The following REV3L variants were observed in gnomAD, a reference collection of about 807,000 sequenced individuals.
REV3L encodes DNA polymerase zeta catalytic subunit.
REV3L carries 69 observed loss-of-function variants against 299.4 expected under a neutral mutation model. That is an observed-to-expected ratio of 0.23 (90% CI 0.19 to 0.28). The LOEUF is 0.28. Among genes scored for constraint, REV3L ranks in the 10% least tolerant of loss-of-function variants. The probability of loss-of-function intolerance (pLI) is 1.00; values close to 1 mark genes in which losing one functional copy is unlikely to be tolerated. For missense variants in REV3L, 3,128 were observed against 3,693.8 expected, an observed-to-expected ratio of 0.85 and a Z score of 3.97; for synonymous variants, 1,238 against 1,271.4, an observed-to-expected ratio of 0.97 and a Z score of 0.56.
In REV3L at chr6:111,482,953, GGCTCCCTCCGCAGCGGCGGCGGC is replaced by G; in HGVS notation, c.-88_-66del. ...CGGCAGCGGCAGCAGCAGCGGCGGCGGCTCCCTCCGCAGCGGCGGCGGCGCCCCCTCCCCTTCTCGGCACGGCC... is the reference window on the plus strand; with the variant it reads ...CGGCAGCGGCAGCAGCAGCGGCGGCGGCCCCCTCCCCTTCTCGGCACGGCC... On this transcript the variant is annotated 5_prime_UTR_variant, in exon 1 of 32. Coordinates refer to ENST00000368802, the MANE Select transcript of REV3L (RefSeq NM_001372078.1). 1 of 1,446,658 alleles carries G rather than the reference GGCTCCCTCCGCAGCGGCGGCGGC, an allele frequency of 6.9e-7. No homozygotes were observed. The highest frequency in any genetic ancestry group is 1.5e-5 in the South Asian group (1 of 68,548). 89.6% of individuals were successfully genotyped at this position (1,446,658 alleles called of 1,614,324 possible).
At position 111,373,161 on chromosome 6, in the gene REV3L, T is replaced by C. The variant is rs375798406; in HGVS notation, c.5194A>G (p.Thr1732Ala). ...TLSPEIFEKS[T>A]IDSNENRRHN... ...CGACGATTCTCATTGCTATCTATGG[T>C]TGACTTCTCAAAAATTTCAGGACTT... The change falls in exon 13 of 32, where the codon ACC (threonine) becomes GCC (alanine). Residue 1732 changes from threonine to alanine, a missense_variant. Coordinates refer to ENST00000368802, the MANE Select transcript of REV3L (RefSeq NM_001372078.1). The C allele has an allele frequency of 3.4e-5, 55 of 1,614,188 alleles. No individual in the cohort carries two copies. The highest frequency in any genetic ancestry group is 4.3e-5 in the Non-Finnish European group (51 of 1,180,016).
At chr6:111,456,907 T>G (rs1304796286) in intron 1 of REV3L, among the ~76,000 whole-genome samples, 1 of 152,142 alleles carries the variant, frequency 6.6e-6, no homozygotes, top group African/African-American at 2.4e-5. Flanking sequence ...ATTCATCACT[T>G]TTAGTAGTTC....
chr6:111,392,065 T>A (rs1781991349), intron 5 of REV3L, among the ~76,000 whole-genome samples: 1 of 152,260 alleles, frequency 6.6e-6, no homozygotes, highest in African/African-American at 2.4e-5. Flanking sequence ...TAAAAATGTT[T>A]ATGATCCACA....
chr6:111,431,582 T>G, intron 1 of REV3L: 2 of 771,844 alleles, frequency 2.6e-6, no homozygotes, highest in Middle Eastern at 3.8e-4. Context: ...GAAATGCATC[T>G]CACTGAACAA....
At chr6:111,440,754 A>G (rs765903509) in intron 1 of REV3L, among the ~76,000 whole-genome samples, 1 of 152,168 alleles carries the variant, frequency 6.6e-6, no homozygotes. Context: ...AACTTCTAAC[A>G]TTTCTTATAA....
At chr6:111,385,475 C>T (rs1313356089) in intron 9 of REV3L, among the ~76,000 whole-genome samples, 2 of 152,098 alleles carry the variant, frequency 1.3e-5, no homozygotes, top group African/African-American at 2.4e-5. Context: ...TGTAAGCACA[C>T]GTAAGCCTTA....
Position 111,392,939 on chromosome 6 carries a change from T to G in REV3L, c.599A>C (p.Asn200Thr). The part of the protein sequence containing the change: ...NTLHATGSCK[N>T]HLSGNSLADT... Reference sequence around the variant, plus strand: ...AGCAAGAGAATTTCCTGATAAATGATTCTTGCAGGATCCAGTTGCATGCAA... The same window carrying G: ...AGCAAGAGAATTTCCTGATAAATGAGTCTTGCAGGATCCAGTTGCATGCAA... The change falls in exon 5 of 32, where the codon AAT becomes ACT. Residue 200 changes from asparagine to threonine, a missense_variant. This residue lies in a region of REV3L where 2,409 missense variants were observed against 2,611.8 expected (regional missense o/e 0.92). Coordinates refer to ENST00000368802, the MANE Select transcript of REV3L (RefSeq NM_001372078.1). 6.2e-7 allele frequency: 1 copy of G among 1,612,266 alleles called. No individual in the cohort carries two copies. Among genetic ancestry groups the G allele is most frequent in the East Asian group, 2.2e-5 (1 of 44,782 alleles).
chr6:111,409,833 A>G (rs1784060217), intron 3 of REV3L, among the ~76,000 whole-genome samples: 1 of 152,206 alleles, frequency 6.6e-6, no homozygotes, highest in Non-Finnish European at 1.5e-5. Context: ...AGAGAAAATA[A>G]ATGGATGAAT....
At chr6:111,314,287 A>G (rs542887658) in intron 27 of REV3L, among the ~76,000 whole-genome samples, 1 of 152,338 alleles carries the variant, frequency 6.6e-6, no homozygotes, top group South Asian at 2.1e-4. Flanking sequence ...TCTTCTTACA[A>G]TGTGACTTTG....
intron 2 of REV3L, among the ~76,000 whole-genome samples, chr6:111,413,763 T>C (rs1463970981): frequency 6.6e-6 from 1 of 152,086 alleles, no homozygotes; most frequent in African/African-American, 2.4e-5. Flanking sequence ...TGTTGCCCCA[T>C]GTATCCAGAT....
chr6:111,358,341 C>T (rs914996571), intron 17 of REV3L, among the ~76,000 whole-genome samples: 2 of 152,012 alleles, frequency 1.3e-5, no homozygotes, highest in Non-Finnish European at 2.9e-5. Flanking sequence ...TCTAGGGATA[C>T]ATAATAAGGT....
intron 1 of REV3L, among the ~76,000 whole-genome samples, chr6:111,436,438 T>C (rs978899342): frequency 6.6e-6 from 1 of 152,208 alleles, no homozygotes; most frequent in Non-Finnish European, 1.5e-5. Context: ...AATGGAATGT[T>C]ATTCAGCCAT....
chr6:111,440,337 G>A (rs769209891), intron 1 of REV3L, among the ~76,000 whole-genome samples: 2 of 152,188 alleles, frequency 1.3e-5, no homozygotes, highest in South Asian at 2.1e-4. Context: ...CCAAAGTGCT[G>A]GGATTACAGG....
chr6:111,413,638 G>C, intron 2 of REV3L, among the ~76,000 whole-genome samples: 1 of 151,904 alleles, frequency 6.6e-6, no homozygotes, highest in East Asian at 1.9e-4. Context: ...AGGAGTAAAG[G>C]AATTAGAGAA....
chr6:111,305,622 G>T (rs573897285), intron 31 of REV3L, among the ~76,000 whole-genome samples: 1 of 151,888 alleles, frequency 6.6e-6, no homozygotes, highest in African/African-American at 2.4e-5. Context: ...TAAATAAAAA[G>T]AAAAAAAGAA....
chr6:111,483,200 G>C lies in REV3L; in HGVS notation c.-312C>G. ...TCGGTCCCAGGCTGCAGCTCTTGTT[G>C]CCATGATGATGATGTCACGGACGCA... On this transcript the variant is annotated 5_prime_UTR_variant, in exon 1 of 32. Transcript: ENST00000368802. 2.1e-6 allele frequency: 1 copy of C among 477,102 alleles called. No individual in the cohort carries two copies. Among genetic ancestry groups the C allele is most frequent in the East Asian group, 3.6e-5 (1 of 28,008 alleles). 29.6% of individuals were successfully genotyped at this position (477,102 alleles called of 1,614,324 possible). A position where few individuals can be genotyped will look rare whatever the true frequency, so the allele number is the denominator to read the frequency against.
At chr6:111,303,692 A>ATG (rs1355814510) in intron 31 of REV3L, among the ~76,000 whole-genome samples, 4 of 20,908 alleles carry the variant, frequency 1.9e-4, no homozygotes, top group East Asian at 2.6e-3. Flanking sequence ...TTTTTTTAAC[A>ATG]GACTATGACT....
At chr6:111,340,460 C>T (rs1243306657) in intron 21 of REV3L, among the ~76,000 whole-genome samples, 1 of 151,960 alleles carries the variant, frequency 6.6e-6, no homozygotes, top group Non-Finnish European at 1.5e-5. Flanking sequence ...ATAATTCATT[C>T]ATATAAATCT....
intron 1 of REV3L, among the ~76,000 whole-genome samples, chr6:111,432,860 C>A (rs1166174828): frequency 6.6e-6 from 1 of 152,000 alleles, no homozygotes; most frequent in East Asian, 1.9e-4. Flanking sequence ...TCTCTGGCCA[C>A]AATGGAATAA....
Sources: gnomAD v4.1 joint callset for allele counts (sites outside exome capture counted in the v4.1 genomes callset) on GRCh38, gnomAD v4.1.1 for gene constraint, gnomAD v4.1.1 regional missense constraint, MANE v1.5 for transcripts, NCBI Gene and HGNC (gene_info 2026-07-23, HGNC 2026-07-21) for gene names.